SGMS1: variants seen among roughly 807,000 people sequenced by gnomAD.
The protein encoded by SGMS1 is sphingomyelin synthase 1.
Under a neutral mutation model 46.2 loss-of-function variants are expected in SGMS1, and 13 were observed. That is an observed-to-expected ratio of 0.28 (90% CI 0.18 to 0.45). The LOEUF (loss-of-function observed/expected upper bound fraction) is 0.45. SGMS1 is among the 20% of genes least tolerant of loss of function. The probability of loss-of-function intolerance (pLI) is 1.00; values close to 1 mark genes in which losing one functional copy is unlikely to be tolerated. For missense variants in SGMS1, 324 were observed against 519.9 expected (o/e 0.62, Z 3.66); for synonymous variants, 203 against 187.8 (o/e 1.08, Z -0.66).
At chr10:50,333,673 G>A (rs1410507981) in intron 7 of SGMS1, among the ~76,000 whole-genome samples, 4 of 152,170 alleles carry the variant, frequency 2.6e-5, no homozygotes, top group Non-Finnish European at 5.9e-5. Context: ...GGAAAGGTTA[G>A]TAAAACAAAT....
At chr10:50,329,859 T>C (rs11005212) in intron 7 of SGMS1, among the ~76,000 whole-genome samples, 25,953 of 152,126 alleles carry the variant, frequency 0.17, 2,457 homozygotes, top group Admixed American at 0.23. Flanking sequence ...CATTTCAGAG[T>C]CTTGTGTTTG....
At chr10:50,355,092 G>C (rs1469459954) in intron 6 of SGMS1, among the ~76,000 whole-genome samples, 1 of 152,058 alleles carries the variant, frequency 6.6e-6, no homozygotes, top group Non-Finnish European at 1.5e-5. Context: ...CCCATTACTG[G>C]GTATATACCC....
At position 50,407,736 on chromosome 10, in the gene SGMS1, C is replaced by G. The variant is rs192229702; in HGVS notation, c.-232+25740G>C. 2.6e-5 allele frequency among the ~76,000 whole-genome samples: 4 copies of G among 152,208 alleles called. No homozygotes were observed. The East Asian group carries it at 7.7e-4, about 29-fold the overall frequency. On this transcript the variant is annotated intron_variant, in intron 6 of 10. Transcript: ENST00000361781. The stretch of plus-strand genomic sequence containing the variant: ...ATTCACTGTGTCTACTCTTGAAAGC[C>G]ATCATGTACTTCTAGGATTCAAAGT...
intron 2 of SGMS1, among the ~76,000 whole-genome samples, chr10:50,542,697 T>G (rs546360421): frequency 2.0e-5 from 3 of 147,842 alleles, no homozygotes; most frequent in East Asian, 2.0e-4. Context: ...GGGAGAGAGA[T>G]ATATATAACC....
chr10:50,540,521 G>C (rs1246660503), intron 2 of SGMS1, among the ~76,000 whole-genome samples: 1 of 152,222 alleles, frequency 6.6e-6, no homozygotes, highest in Non-Finnish European at 1.5e-5. Flanking sequence ...GGGGGTCAAT[G>C]TCATGCAATA....
At chr10:50,542,476 T>C (rs902450248) in intron 2 of SGMS1, among the ~76,000 whole-genome samples, 6 of 152,124 alleles carry the variant, frequency 3.9e-5, no homozygotes, top group South Asian at 4.1e-4. Context: ...GTCACCAACC[T>C]GGGCTTAGAG....
At chr10:50,405,642 C>T (rs1362298673) in intron 6 of SGMS1, among the ~76,000 whole-genome samples, 1 of 152,116 alleles carries the variant, frequency 6.6e-6, no homozygotes, top group African/African-American at 2.4e-5. Context: ...AAGAAAAATC[C>T]TACCATGTAC....
At chr10:50,497,008 G>GGA (rs1421214416) in intron 3 of SGMS1, among the ~76,000 whole-genome samples, 2 of 152,180 alleles carry the variant, frequency 1.3e-5, no homozygotes, top group African/African-American at 4.8e-5. Flanking sequence ...ACTGGTAAAA[G>GGA]TGATCTTAAA....
chr10:50,538,289 C>G (rs761872190), intron 2 of SGMS1, among the ~76,000 whole-genome samples: 53 of 151,742 alleles, frequency 3.5e-4, no homozygotes, highest in Admixed American at 7.9e-4. Flanking sequence ...AACCCCGTCT[C>G]TACTAAAAAT....
At chr10:50,524,033 C>A (rs1366291301) in intron 2 of SGMS1, among the ~76,000 whole-genome samples, 2 of 152,216 alleles carry the variant, frequency 1.3e-5, no homozygotes, top group East Asian at 3.8e-4. Flanking sequence ...AATTCATTTT[C>A]TCAAAAGGAA....
At chr10:50,484,526 C>T (rs1428519874) in intron 3 of SGMS1, among the ~76,000 whole-genome samples, 1 of 152,152 alleles carries the variant, frequency 6.6e-6, no homozygotes, top group Admixed American at 6.5e-5. Context: ...AGAGGAGAAA[C>T]TCCTCCCTAA....
intron 4 of SGMS1, among the ~76,000 whole-genome samples, chr10:50,465,309 C>A (rs1837316218): frequency 1.3e-5 from 2 of 152,028 alleles, no homozygotes; most frequent in Admixed American, 1.3e-4. Context: ...ATCCCCAGCA[C>A]TCATTTGGGA....
intron 3 of SGMS1, among the ~76,000 whole-genome samples, chr10:50,513,125 T>C (rs1837771953): frequency 1.3e-5 from 2 of 152,198 alleles, no homozygotes; most frequent in South Asian, 4.1e-4. Context: ...TAAGTACCAG[T>C]AGGTCCCCAG....
intron 3 of SGMS1, among the ~76,000 whole-genome samples, chr10:50,503,316 G>A (rs958658777): frequency 4.6e-5 from 7 of 152,144 alleles, no homozygotes; most frequent in Admixed American, 3.3e-4. Flanking sequence ...TAAGTGTAGC[G>A]GAGTGAGACC....
intron 2 of SGMS1, among the ~76,000 whole-genome samples, chr10:50,572,564 C>T (rs1391565586): frequency 6.6e-6 from 1 of 152,038 alleles, no homozygotes; most frequent in African/African-American, 2.4e-5. Context: ...GACCCTTCCA[C>T]CCCAGCAGCT....
intron 2 of SGMS1, among the ~76,000 whole-genome samples, chr10:50,587,631 A>ATGTGTG (rs1415958432): frequency 0.085 from 10,084 of 118,060 alleles, 546 homozygotes; most frequent in Admixed American, 0.12. Context: ...CTCAAAATAT[A>ATGTGTG]TATGTGTGTG....
intron 6 of SGMS1, among the ~76,000 whole-genome samples, chr10:50,402,688 A>T (rs568941169): frequency 6.6e-6 from 1 of 152,288 alleles, no homozygotes; most frequent in African/African-American, 2.4e-5. Context: ...TAGTTTACAT[A>T]GTATGTAACA....
intron 6 of SGMS1, among the ~76,000 whole-genome samples, chr10:50,348,670 CACAA>C (rs953453132): frequency 5.3e-5 from 8 of 152,112 alleles, no homozygotes; most frequent in Admixed American, 5.2e-4. Flanking sequence ...TAAGAGATGA[CACAA>C]ACAAATGGGA....
At chr10:50,618,795 C>G (rs946109612) in intron 1 of SGMS1, among the ~76,000 whole-genome samples, 22 of 152,310 alleles carry the variant, frequency 1.4e-4, no homozygotes, top group African/African-American at 4.8e-4. Flanking sequence ...ACCCTTAGAG[C>G]AGCGGTTCTC....
Sources: gnomAD v4.1 joint callset for allele counts (sites outside exome capture counted in the v4.1 genomes callset) on GRCh38, gnomAD v4.1.1 for gene constraint, MANE v1.5 for transcripts, NCBI Gene and HGNC (gene_info 2026-07-23, HGNC 2026-07-21) for gene names.